Variants in NLK observed in about 807,000 individuals in gnomAD.
The protein encoded by NLK is serine/threonine-protein kinase NLK.
NLK carries 11 observed loss-of-function variants against 59.0 expected under a neutral mutation model. The observed-to-expected ratio is 0.19, with a 90% CI of 0.12 to 0.31. The LOEUF is 0.31. NLK is among the 10% of genes least tolerant of loss of function. The pLI is 1.00. For synonymous variants in NLK, 235 were observed against 235.9 expected, an observed-to-expected ratio of 1.00 and a Z score of 0.03; for missense variants, 410 against 661.1, an observed-to-expected ratio of 0.62 and a Z score of 4.16.
chr17:28,070,341 C>G (rs1027589788), intron 1 of NLK, among the ~76,000 whole-genome samples: 4 of 151,108 alleles, frequency 2.6e-5, no homozygotes, highest in Admixed American at 6.6e-5. Context: ...GGTAAGTTTT[C>G]CATCTGAAAT....
chr17:28,190,743 G>A (rs1329249428), intron 8 of NLK, among the ~76,000 whole-genome samples: 1 of 152,028 alleles, frequency 6.6e-6, no homozygotes, highest in Non-Finnish European at 1.5e-5. Context: ...TTTTGACCCA[G>A]CATACATCTA....
intron 3 of NLK, among the ~76,000 whole-genome samples, chr17:28,134,171 G>A (rs564375350): frequency 9.2e-5 from 14 of 152,238 alleles, no homozygotes; most frequent in African/African-American, 2.9e-4. Context: ...GGCAGGGTGG[G>A]CAGATCACTT....
chr17:28,154,336 A>G (rs898314119), intron 3 of NLK, among the ~76,000 whole-genome samples: 1 of 152,194 alleles, frequency 6.6e-6, no homozygotes, highest in African/African-American at 2.4e-5. Context: ...CTAAAAGTTT[A>G]TTCCCTGGAC....
At chr17:28,122,104 G>A (rs1379266418) in intron 1 of NLK, among the ~76,000 whole-genome samples, 1 of 152,194 alleles carries the variant, frequency 6.6e-6, no homozygotes, top group African/African-American at 2.4e-5. Flanking sequence ...TTCAACTGCT[G>A]CTTATATTGA....
intron 1 of NLK, among the ~76,000 whole-genome samples, chr17:28,085,375 A>G (rs1350291259): frequency 6.6e-6 from 1 of 152,230 alleles, no homozygotes; most frequent in Non-Finnish European, 1.5e-5. Flanking sequence ...GAAAGTACAT[A>G]CAGTCATGCA....
intron 1 of NLK, among the ~76,000 whole-genome samples, chr17:28,068,512 G>A (rs189429105): frequency 2.4e-4 from 37 of 152,220 alleles, no homozygotes; most frequent in African/African-American, 8.2e-4. Flanking sequence ...TGTGGTTTGC[G>A]TGATTGATAC....
chr17:28,161,285 G>A lies in NLK; in HGVS notation c.751+19G>A. ...TTGCGAGGTAAGATTTCTTTATGAA[G>A]AAAAAGGTGCTGTCACACTGTAAAT... is the stretch of plus-strand genomic sequence containing the variant. On this transcript the variant is annotated intron_variant, in intron 4 of 10. Transcript: ENST00000407008. 1 of 1,324,452 alleles carries A rather than the reference G, an allele frequency of 7.6e-7. No homozygotes were observed. The highest frequency in any genetic ancestry group is 1.2e-5 in the South Asian group (1 of 84,726). 82.0% of individuals were successfully genotyped at this position (1,324,452 alleles called of 1,614,324 possible). A position where few individuals can be genotyped will look rare whatever the true frequency, so the allele number is the denominator to read the frequency against.
intron 1 of NLK, chr17:28,061,827 TATATACATATAC>T (rs896279473): frequency 1.4e-5 from 2 of 145,470 alleles, no homozygotes; most frequent in South Asian, 4.2e-4. Flanking sequence ...AATATATACA[TATATACATATAC>T]ATATATATAA....
At chr17:28,154,361 A>G (rs1907612324) in intron 3 of NLK, among the ~76,000 whole-genome samples, 1 of 152,174 alleles carries the variant, frequency 6.6e-6, no homozygotes, top group Non-Finnish European at 1.5e-5. Context: ...ACTAACATAG[A>G]ATTCTGGCAG....
At position 28,195,802 on chromosome 17, in the gene NLK, ATGAC is replaced by A. The variant is rs1283056702; in HGVS notation, c.*1168_*1171del. 6.6e-6 allele frequency: 1 copy of A among 152,276 alleles called. No individual in the cohort carries two copies. Among genetic ancestry groups the A allele is most frequent in the African/African-American group, 2.4e-5 (1 of 41,304 alleles). 9.4% of individuals were successfully genotyped at this position (152,276 alleles called of 1,614,324 possible). A position where few individuals can be genotyped will look rare whatever the true frequency, so the allele number is the denominator to read the frequency against. On this transcript the variant is annotated 3_prime_UTR_variant, in exon 11 of 11. Coordinates refer to ENST00000407008, the MANE Select transcript of NLK (RefSeq NM_016231.5). Reference sequence around the variant, plus strand: ...GCTTGTTTACCTCCACATGCTGATGATGACTATTTTTTTTTTTTGAGTTCAGTGT... The same window carrying A: ...GCTTGTTTACCTCCACATGCTGATGATATTTTTTTTTTTTGAGTTCAGTGT...
chr17:28,100,785 A>G (rs1293771450), intron 1 of NLK, among the ~76,000 whole-genome samples: 1 of 152,142 alleles, frequency 6.6e-6, no homozygotes, highest in African/African-American at 2.4e-5. Flanking sequence ...ACCTAACCCA[A>G]AGTCGCAAAC....
At position 28,185,250 on chromosome 17, in the gene NLK, G is replaced by A; in HGVS notation, c.1221G>A (p.Met407Ile). 6.3e-7 allele frequency: 1 copy of A among 1,580,312 alleles called. No individual in the cohort carries two copies. Among genetic ancestry groups the A allele is most frequent in the Non-Finnish European group, 8.6e-7 (1 of 1,160,638 alleles). The change falls in exon 8 of 11, where the codon ATG (methionine) becomes ATA (isoleucine). Residue 407 changes from methionine to isoleucine, a missense_variant. Transcript: ENST00000407008. ...THEAVHLLCRMLVFDPSKRIS... is the reference protein window; with the variant it reads ...THEAVHLLCRILVFDPSKRIS... Reference sequence around the variant, plus strand: ...AAGCTGTTCATCTCCTTTGCAGGATGTTGGTCTTTGATCCAGTAAGTAGTG... The same window carrying A: ...AAGCTGTTCATCTCCTTTGCAGGATATTGGTCTTTGATCCAGTAAGTAGTG...
intron 1 of NLK, among the ~76,000 whole-genome samples, chr17:28,077,087 T>C (rs1276127776): frequency 7.0e-6 from 1 of 143,328 alleles, no homozygotes; most frequent in Non-Finnish European, 1.5e-5. Flanking sequence ...TTTTTTTTTT[T>C]TTTTTTTTTT....
chr17:28,111,320 G>A (rs1905467408), intron 1 of NLK, among the ~76,000 whole-genome samples: 1 of 152,080 alleles, frequency 6.6e-6, no homozygotes, highest in East Asian at 1.9e-4. Context: ...CCAAGTAACT[G>A]GGATTACAGA....
intron 1 of NLK, among the ~76,000 whole-genome samples, chr17:28,093,031 G>A (rs1303450592): frequency 2.6e-5 from 4 of 151,986 alleles, no homozygotes; most frequent in African/African-American, 9.7e-5. Flanking sequence ...CTGACCTCCT[G>A]ATCCACCCAC....
chr17:28,176,753 CA>C (rs1317417151), intron 7 of NLK, among the ~76,000 whole-genome samples: 1 of 152,188 alleles, frequency 6.6e-6, no homozygotes, highest in African/African-American at 2.4e-5. Flanking sequence ...CTACCACCCC[CA>C]ATCCTAGTCT....
intron 1 of NLK, among the ~76,000 whole-genome samples, chr17:28,113,973 A>G (rs1028069256): frequency 9.9e-5 from 15 of 152,028 alleles, no homozygotes; most frequent in African/African-American, 3.6e-4. Flanking sequence ...TATTATGGAA[A>G]TGGTATCTTG....
intron 7 of NLK, among the ~76,000 whole-genome samples, chr17:28,174,075 G>A (rs1164923331): frequency 6.6e-6 from 1 of 152,114 alleles, no homozygotes; most frequent in Non-Finnish European, 1.5e-5. Context: ...TAGATAGAAC[G>A]GCTGGAAAAT....
intron 1 of NLK, among the ~76,000 whole-genome samples, chr17:28,070,049 A>G (rs1169441645): frequency 6.6e-6 from 1 of 152,068 alleles, no homozygotes; most frequent in African/African-American, 2.4e-5. Flanking sequence ...CAGCCTGGCC[A>G]ACATGGTGAA....
Sources: allele counts gnomAD v4.1 joint callset (sites outside exome capture counted in the v4.1 genomes callset), GRCh38; gene constraint gnomAD v4.1.1; transcripts MANE v1.5; gene names NCBI Gene and HGNC (gene_info 2026-07-23, HGNC 2026-07-21).